Variants in RUBCN observed in about 807,000 individuals in gnomAD.
RUBCN encodes the protein run domain Beclin-1-interacting and cysteine-rich domain-containing protein.
A neutral mutation model predicts 113.2 loss-of-function variants in RUBCN; 74 were observed. The ratio of observed to expected loss-of-function variants is 0.65; its 90% confidence interval spans 0.54 to 0.79. The LOEUF (loss-of-function observed/expected upper bound fraction) is 0.79. Among genes scored for constraint, RUBCN ranks in the 30% least tolerant of loss-of-function variants. The pLI is 0.00. For missense variants in RUBCN, 1,109 were observed against 1,251.7 expected (o/e 0.89, Z 1.72); for synonymous variants, 480 against 490.0 (o/e 0.98, Z 0.27).
chr3:197,707,049 C>T (rs1274725621), intron 2 of RUBCN, among the ~76,000 whole-genome samples: 1 of 142,952 alleles, frequency 7.0e-6, no homozygotes, highest in Non-Finnish European at 1.5e-5. Context: ...AAGTGAAAAG[C>T]GTGTAAAATT....
Position 197,674,683 on chromosome 3 carries a change from AGAG to A in RUBCN, c.*332_*334del, listed in dbSNP as rs1473035947. 2.3e-5 allele frequency: 10 copies of A among 430,086 alleles called. No homozygotes were observed. The highest frequency in any genetic ancestry group is 1.2e-4 in the South Asian group (5 of 43,102). The allele number at this position is 430,086 out of a possible 1,614,324, so 26.6% of individuals were successfully genotyped here. A position where few individuals can be genotyped will look rare whatever the true frequency, so the allele number is the denominator to read the frequency against. On this transcript the variant is annotated 3_prime_UTR_variant, in exon 20 of 20. Coordinates refer to ENST00000296343, the MANE Select transcript of RUBCN (RefSeq NM_014687.4). ...GATACCTGACATGCAGGTGAAACCT[AGAG>A]GAGAAGGCCACAGACGCTGGAAGAA... is the stretch of plus-strand genomic sequence containing the variant.
chr3:197,693,878 G>T, intron 10 of RUBCN, 62 bp from the exon 11 acceptor site: 2 of 1,099,730 alleles, frequency 1.8e-6, no homozygotes, highest in Non-Finnish European at 2.8e-6. Context: ...TGTCCTTCCA[G>T]TGTCACAATA....
At chr3:197,737,163 A>C (rs1211518725), upstream of RUBCN, 4 of 209,250 alleles carry the variant, frequency 1.9e-5, no homozygotes, top group South Asian at 2.5e-4. Flanking sequence ...CCTTGGTCTC[A>C]GGAATCCGTG....
intron 2 of RUBCN, among the ~76,000 whole-genome samples, chr3:197,711,081 C>T (rs1271044849): frequency 2.0e-5 from 3 of 152,248 alleles, no homozygotes; most frequent in Non-Finnish European, 4.4e-5. Context: ...GCCTTGGCCT[C>T]CCAAAGTACT....
rs1296323941 is a variant in RUBCN, at chr3:197,695,997, T to C, written c.1358-16A>G. The stretch of plus-strand genomic sequence containing the variant: ...CGACCACCTTCTGTGGGAAATGGAA[T>C]GTGGATGAAACAGCCAGGCTTCTTC... On this transcript the variant is annotated splice_polypyrimidine_tract_variant and intron_variant, in intron 8 of 19. Coordinates refer to ENST00000296343, the MANE Select transcript of RUBCN (RefSeq NM_014687.4). The C allele has an allele frequency of 6.2e-7, 1 of 1,611,264 alleles. No homozygotes were observed. Among genetic ancestry groups the C allele is most frequent in the Non-Finnish European group, 8.5e-7 (1 of 1,177,390 alleles).
rs191384681 is a variant in RUBCN, at chr3:197,717,305, C to G, written c.219+672G>C. Among the ~76,000 whole-genome samples, 851 of 150,574 alleles carry G rather than the reference C, an allele frequency of 5.7e-3. 5 individuals are homozygous for G. The highest frequency in any genetic ancestry group is 7.6e-3 in the Non-Finnish European group (511 of 67,488). ...AAAAAATAGAAAAAATTAGCCGGGCCTGGTGGCGGGCGCCTGTAGTCCCAG... is the reference window on the plus strand; with the variant it reads ...AAAAAATAGAAAAAATTAGCCGGGCGTGGTGGCGGGCGCCTGTAGTCCCAG... On this transcript the variant is annotated intron_variant, in intron 2 of 19. Coordinates refer to ENST00000296343, the MANE Select transcript of RUBCN (RefSeq NM_014687.4).
In RUBCN at chr3:197,736,890, T is replaced by C. The variant is rs1728207564; in HGVS notation, c.-171A>G. The C allele has an allele frequency of 2.9e-6, 4 of 1,368,772 alleles. No individual in the cohort carries two copies. Among genetic ancestry groups the C allele is most frequent in the Non-Finnish European group, 3.7e-6 (4 of 1,068,308 alleles). The allele number at this position is 1,368,772 out of a possible 1,614,324, so 84.8% of individuals were successfully genotyped here. A position where few individuals can be genotyped will look rare whatever the true frequency, so the allele number is the denominator to read the frequency against. On this transcript the variant is annotated 5_prime_UTR_variant, in exon 1 of 20. Coordinates refer to ENST00000296343, the MANE Select transcript of RUBCN (RefSeq NM_014687.4). ...GAGGGACCGCCGCCTGGGCTGCGGCTTCTATCCCGGCCACCCCCACTTCCG... is the reference window on the plus strand; with the variant it reads ...GAGGGACCGCCGCCTGGGCTGCGGCCTCTATCCCGGCCACCCCCACTTCCG...
chr3:197,701,286 G>T, intron 6 of RUBCN, 140 bp from the exon 7 acceptor site: 1 of 740,224 alleles, frequency 1.4e-6, no homozygotes, highest in Non-Finnish European at 2.1e-6. Flanking sequence ...TTTAGAAGCA[G>T]CTAAGTCAAG....
chr3:197,682,872 G>A (rs1171472998), intron 13 of RUBCN, among the ~76,000 whole-genome samples: 2 of 152,220 alleles, frequency 1.3e-5, no homozygotes, highest in African/African-American at 4.8e-5. Flanking sequence ...GGTACTACAA[G>A]TGAGGGCCGT....
intron 9 of RUBCN, among the ~76,000 whole-genome samples, chr3:197,695,393 C>G (rs1321936667): frequency 6.6e-6 from 1 of 152,138 alleles, no homozygotes; most frequent in Non-Finnish European, 1.5e-5. Context: ...CCCAGGAGTT[C>G]AAGACCAGCT....
chr3:197,730,883 ATCT>A (rs1251510185), intron 1 of RUBCN, among the ~76,000 whole-genome samples: 18 of 60,804 alleles, frequency 3.0e-4, no homozygotes, highest in African/African-American at 1.3e-3. Flanking sequence ...TTTTAAAAGC[ATCT>A]TTTTTTTTTT....
chr3:197,697,406 G>T (rs1723136502), intron 7 of RUBCN, among the ~76,000 whole-genome samples: 1 of 152,190 alleles, frequency 6.6e-6, no homozygotes. Flanking sequence ...ATTTAGAAAA[G>T]TCTTTAGATG....
At chr3:197,749,323 T>G in exon 1 of RUBCN, 1 of 1,148,160 alleles carries the variant, frequency 8.7e-7, no homozygotes, top group Non-Finnish European at 1.1e-6. Context: ...TGCCAGATGT[T>G]TTGAGAGTGC....
At chr3:197,682,049 A>G (rs144782337) in intron 14 of RUBCN, 150 bp from the exon 15 acceptor site, 187 of 715,262 alleles carry the variant, frequency 2.6e-4, no homozygotes, top group Non-Finnish European at 3.9e-4. Context: ...AAATGAACCT[A>G]TTGGGAGAGC....
Position 197,674,911 on chromosome 3 carries a change from A to T in RUBCN, c.*107T>A. 7 of 755,754 alleles carry T rather than the reference A, an allele frequency of 9.3e-6. No individual in the cohort carries two copies. Among genetic ancestry groups the T allele is most frequent in the Non-Finnish European group, 1.3e-5 (7 of 522,330 alleles). 46.8% of individuals were successfully genotyped at this position (755,754 alleles called of 1,614,324 possible). Reference sequence around the variant, plus strand: ...AAAAAAAAAAGATGATGATAATTAAAAAAAAAAAAAAAAAAAGAAGCCCCA... The same window carrying T: ...AAAAAAAAAAGATGATGATAATTAATAAAAAAAAAAAAAAAAGAAGCCCCA... On this transcript the variant is annotated 3_prime_UTR_variant, in exon 20 of 20. Coordinates refer to ENST00000296343, the MANE Select transcript of RUBCN (RefSeq NM_014687.4).
At chr3:197,678,252 A>G (rs1262317104) in intron 16 of RUBCN, among the ~76,000 whole-genome samples, 1 of 150,182 alleles carries the variant, frequency 6.7e-6, no homozygotes, top group Non-Finnish European at 1.5e-5. Flanking sequence ...AGACTGTCCC[A>G]CACTCTGACT....
chr3:197,705,439 G>C (rs1252650063), intron 2 of RUBCN, among the ~76,000 whole-genome samples: 1 of 151,864 alleles, frequency 6.6e-6, no homozygotes, highest in East Asian at 1.9e-4. Context: ...GGTGGGACAT[G>C]CCTTAGTCCC....
At chr3:197,736,442 C>T (rs1728130145) in intron 1 of RUBCN, among the ~76,000 whole-genome samples, 1 of 151,368 alleles carries the variant, frequency 6.6e-6, no homozygotes, top group African/African-American at 2.4e-5. Context: ...CCGCAAATCC[C>T]ACCCACCCTC....
Position 197,669,327 on chromosome 3 carries a change from C to A in RUBCN, c.*5691G>T, listed in dbSNP as rs1719584525. 6.6e-6 allele frequency among the ~76,000 whole-genome samples: 1 copy of A among 152,214 alleles called. No individual in the cohort carries two copies. The highest frequency in any genetic ancestry group is 2.4e-5 in the African/African-American group (1 of 41,460). ...CCCACCCGGGATCCCACATGGCATT[C>A]AGTCATCGTATCTGCTTAGTCTCCT... On this transcript the variant is annotated 3_prime_UTR_variant, in exon 20 of 20. Coordinates refer to ENST00000296343, the MANE Select transcript of RUBCN (RefSeq NM_014687.4).
Sources: gnomAD v4.1 joint callset for allele counts (sites outside exome capture counted in the v4.1 genomes callset) on GRCh38, gnomAD v4.1.1 for gene constraint, MANE v1.5 for transcripts, NCBI Gene and HGNC (gene_info 2026-07-23, HGNC 2026-07-21) for gene names.